CAPRIN2: variants seen among roughly 807,000 people sequenced by gnomAD.
The protein encoded by CAPRIN2 is caprin-2.
A neutral mutation model predicts 130.4 loss-of-function variants in CAPRIN2; 66 were observed. The ratio of observed to expected loss-of-function variants is 0.51; its 90% confidence interval spans 0.42 to 0.62. The LOEUF is 0.62. CAPRIN2 is among the 20% of genes least tolerant of loss of function. The pLI is 0.00. For synonymous variants in CAPRIN2, 471 were observed against 444.1 expected, an observed-to-expected ratio of 1.06 and a Z score of -0.76; for missense variants, 1,185 against 1,246.6, an observed-to-expected ratio of 0.95 and a Z score of 0.74.
rs745443755 is a variant in CAPRIN2, at chr12:30,713,828, T to G, written c.2558A>C (p.Gln853Pro). ...TCCAGAATACTCTCTAGCTTGGAAC[T>G]GCAGCTGGCTATAATTTCCATTGGA... The change falls in exon 15 of 17, where the codon CAG (glutamine) becomes CCG (proline). Residue 853 changes from glutamine to proline, a missense_variant. Coordinates refer to ENST00000298892, the Ensembl canonical transcript of CAPRIN2. The G allele has an allele frequency of 3.1e-6, 5 of 1,611,552 alleles. No homozygotes were observed. Among genetic ancestry groups the G allele is most frequent in the Non-Finnish European group, 4.2e-6 (5 of 1,177,894 alleles).
chr12:30,709,732 C>T, exon 17 of CAPRIN2: 1 of 643,932 alleles, frequency 1.6e-6, no homozygotes. Context: ...TGCTAATTGT[C>T]ATTCAGCTTG....
At chr12:30,742,175 C>G (rs940066338) in intron 2 of CAPRIN2, among the ~76,000 whole-genome samples, 1 of 152,040 alleles carries the variant, frequency 6.6e-6, no homozygotes, top group South Asian at 2.1e-4. Context: ...TTCGATAACT[C>G]TACAAATTTA....
At chr12:30,727,782 T>C (rs1364561625) in intron 8 of CAPRIN2, among the ~76,000 whole-genome samples, 2 of 152,348 alleles carry the variant, frequency 1.3e-5, no homozygotes, top group African/African-American at 2.4e-5. Flanking sequence ...TTCCTATCTT[T>C]GGAAAAATTC....
intron 2 of CAPRIN2, among the ~76,000 whole-genome samples, chr12:30,741,702 G>T (rs2067530551): frequency 6.6e-6 from 1 of 152,038 alleles, no homozygotes. Context: ...GGAAGAGAAA[G>T]GACCAATCTG....
At chr12:30,728,490 G>T in intron 8 of CAPRIN2, 158 bp downstream of exon 9, 1 of 609,374 alleles carries the variant, frequency 1.6e-6, no homozygotes. Flanking sequence ...AGGAGGCGGA[G>T]GTTACAGTGA....
At chr12:30,733,842 G>A in intron 4 of CAPRIN2, 131 bp from the exon 6 acceptor site, 1 of 653,508 alleles carries the variant, frequency 1.5e-6, no homozygotes. Context: ...TTGCTCTTTG[G>A]AAATAAAAAA....
At chr12:30,738,036 C>A (rs916733828) in intron 3 of CAPRIN2, among the ~76,000 whole-genome samples, 2 of 151,984 alleles carry the variant, frequency 1.3e-5, no homozygotes, top group African/African-American at 4.8e-5. Flanking sequence ...AGAAAATGTT[C>A]CACAAACTGC....
chr12:30,730,509 G>A (rs546232865), intron 6 of CAPRIN2, among the ~76,000 whole-genome samples: 32 of 152,284 alleles, frequency 2.1e-4, no homozygotes, highest in South Asian at 2.1e-3. Context: ...GACACTTTAC[G>A]AAAGTCAAGT....
intron 1 of CAPRIN2, among the ~76,000 whole-genome samples, chr12:30,752,365 A>AT (rs1592361259): frequency 6.6e-6 from 1 of 152,192 alleles, no homozygotes; most frequent in East Asian, 1.9e-4. Context: ...GCTAGAGAGC[A>AT]TAAGCATACA....
At chr12:30,732,941 T>C (rs956232069) in intron 5 of CAPRIN2, among the ~76,000 whole-genome samples, 5 of 152,278 alleles carry the variant, frequency 3.3e-5, no homozygotes, top group African/African-American at 1.2e-4. Flanking sequence ...CATTTTGCAT[T>C]CTAACCAAGA....
intron 2 of CAPRIN2, among the ~76,000 whole-genome samples, chr12:30,744,524 A>T (rs79772902): frequency 0.015 from 2,212 of 152,300 alleles, 71 homozygotes; most frequent in East Asian, 0.14. Flanking sequence ...GCATGCAAGC[A>T]TCTGCCTAGC....
At chr12:30,731,298 T>C in intron 6 of CAPRIN2, 45 bp downstream of exon 7, 2 of 1,539,212 alleles carry the variant, frequency 1.3e-6, no homozygotes, top group Non-Finnish European at 1.8e-6. Flanking sequence ...TTTGGGGTAT[T>C]AAAAAATGCA....
At chr12:30,730,584 T>C (rs1592120467) in intron 6 of CAPRIN2, among the ~76,000 whole-genome samples, 1 of 152,188 alleles carries the variant, frequency 6.6e-6, no homozygotes, top group Admixed American at 6.5e-5. Context: ...AACACAGCTT[T>C]TTTTCAAGTT....
At chr12:30,731,434 G>T in exon 6 of CAPRIN2, 1 of 1,612,724 alleles carries the variant, frequency 6.2e-7, no homozygotes, top group East Asian at 2.2e-5. Context: ...CCTTTTCCTT[G>T]GCATTTTTGG....
chr12:30,736,140 C>CA (rs751202399), intron 3 of CAPRIN2, among the ~76,000 whole-genome samples: 4,611 of 109,172 alleles, frequency 0.042, 174 homozygotes, highest in African/African-American at 0.12. Flanking sequence ...GATCCTGTCC[C>CA]AAAAAAAAAA....
At chr12:30,720,696 C>A in intron 12 of CAPRIN2, 115 bp downstream of exon 13, 2 of 657,226 alleles carry the variant, frequency 3.0e-6, no homozygotes, top group South Asian at 3.9e-5. Context: ...GAAAGCAATA[C>A]ATTAATAAAG....
chr12:30,711,892 A>T, intron 15 of CAPRIN2: 1 of 592,490 alleles, frequency 1.7e-6, no homozygotes, highest in South Asian at 1.5e-5. Flanking sequence ...CTTGGAGAAT[A>T]CTATGTAAAA....
rs1438668474 is a variant in CAPRIN2 at position 30,753,697 on chromosome 12, C to A, written c.67G>T (p.Glu23Ter). The A allele has an allele frequency of 6.2e-7, 1 of 1,613,912 alleles. No individual in the cohort carries two copies. The highest frequency in any genetic ancestry group is 1.3e-5 in the African/African-American group (1 of 74,882). Residue 23 changes from glutamate (E) to a stop codon, truncating the protein, a stop_gained, in exon 1 of 17, where the codon GAG becomes TAG. Transcript: ENST00000298892. LOFTEE classifies it high-confidence loss of function. ...ACTTCCCTGGAAAGTCTAGACCACT[C>A]CCTTAAACTCTTTTCCACAGAAGTG...
At chr12:30,730,884 C>A (rs905751247) in intron 6 of CAPRIN2, among the ~76,000 whole-genome samples, 13 of 152,156 alleles carry the variant, frequency 8.5e-5, no homozygotes, top group African/African-American at 3.1e-4. Context: ...CAAAGTATTT[C>A]TTCCCCAGGC....
Sources: allele counts gnomAD v4.1 joint callset (sites outside exome capture counted in the v4.1 genomes callset), GRCh38; gene constraint gnomAD v4.1.1; transcripts MANE v1.5; gene names NCBI Gene and HGNC (gene_info 2026-07-23, HGNC 2026-07-21).